Variants in ZFAND3 observed in about 807,000 individuals in gnomAD.
ZFAND3 encodes the protein AN1-type zinc finger protein 3.
A neutral mutation model predicts 29.6 loss-of-function variants in ZFAND3; 10 were observed. The ratio of observed to expected loss-of-function variants is 0.34; its 90% CI spans 0.21 to 0.57. The LOEUF is 0.57. ZFAND3 is among the 20% of genes least tolerant of loss of function. The pLI, the probability that ZFAND3 is intolerant of heterozygous loss-of-function variation, is 0.86. For missense variants in ZFAND3, 230 were observed against 304.5 expected (o/e 0.76, Z 1.82); for synonymous variants, 128 against 112.6 (o/e 1.14, Z -0.87).
intron 2 of ZFAND3, among the ~76,000 whole-genome samples, chr6:37,944,171 AT>A (rs527357081): frequency 2.6e-4 from 39 of 152,144 alleles, no homozygotes; most frequent in Admixed American, 2.0e-4. Flanking sequence ...GTTGATTATA[AT>A]TTTTAATTAA....
intron 1 of ZFAND3, among the ~76,000 whole-genome samples, chr6:37,876,806 ACTCAT>A (rs894010390): frequency 2.5e-4 from 38 of 152,282 alleles, no homozygotes; most frequent in African/African-American, 8.7e-4. Flanking sequence ...GGCTTGGGAC[ACTCAT>A]CTCATGATCT....
intron 1 of ZFAND3, among the ~76,000 whole-genome samples, chr6:37,913,708 C>CTTTTTT (rs56045448): frequency 3.5e-4 from 39 of 113,040 alleles, no homozygotes; most frequent in Middle Eastern, 5.6e-3. Context: ...CAGCTATATT[C>CTTTTTT]TTTTTTTTTT....
At chr6:38,003,405 T>C (rs1762984901) in intron 2 of ZFAND3, 1 of 156,684 alleles carries the variant, frequency 6.4e-6, no homozygotes, top group Non-Finnish European at 1.4e-5. Flanking sequence ...TAATTTAGTT[T>C]ATAATAATTA....
At chr6:37,836,785 G>A (rs928360836) in intron 1 of ZFAND3, among the ~76,000 whole-genome samples, 5 of 151,878 alleles carry the variant, frequency 3.3e-5, no homozygotes, top group Admixed American at 3.3e-4. Flanking sequence ...TGTTTTTAGG[G>A]TAATTTTTTA....
intron 2 of ZFAND3, among the ~76,000 whole-genome samples, chr6:38,055,525 G>GA (rs1764117399): frequency 6.6e-6 from 1 of 152,186 alleles, no homozygotes; most frequent in Non-Finnish European, 1.5e-5. Flanking sequence ...GGCTAAATGA[G>GA]AAAATGAATG....
Position 37,994,178 on chromosome 6 carries a change from T to C in ZFAND3, c.112+64179T>C, listed in dbSNP as rs141794156. ...AAAAAATATGATTACTTAACAATTATAATGTTATGATCCTGAAGATGATGG... is the reference window on the plus strand; with the variant it reads ...AAAAAATATGATTACTTAACAATTACAATGTTATGATCCTGAAGATGATGG... On this transcript the variant is annotated intron_variant, in intron 2 of 5. Transcript: ENST00000287218. Among the ~76,000 whole-genome samples, 27 of 152,312 alleles carry C rather than the reference T, an allele frequency of 1.8e-4. No homozygotes were observed. In the East Asian group the frequency reaches 4.4e-3, roughly 25 times the overall value.
chr6:38,101,175 A>G lies in ZFAND3; in HGVS notation c.362-15397A>G, dbSNP rs185693870. Among the ~76,000 whole-genome samples, 783 of 152,372 alleles carry G rather than the reference A, an allele frequency of 5.1e-3. 7 individuals carry two copies. Among genetic ancestry groups the G allele is most frequent in the Non-Finnish European group, 6.5e-3 (440 of 68,034 alleles). On this transcript the variant is annotated intron_variant, in intron 4 of 5. Coordinates refer to ENST00000287218, the MANE Select transcript of ZFAND3 (RefSeq NM_021943.3). ...CAAATACATACTAAAGACAATTTTC[A>G]TAATAATGATTTTATGCAGAATTCC...
At chr6:37,835,364 C>T (rs1028798289) in intron 1 of ZFAND3, among the ~76,000 whole-genome samples, 2 of 152,022 alleles carry the variant, frequency 1.3e-5, no homozygotes, top group Non-Finnish European at 1.5e-5. Context: ...ACCATGTTGC[C>T]CAGGCTGGTC....
chr6:37,986,148 A>AT (rs141152086), intron 2 of ZFAND3, among the ~76,000 whole-genome samples: 4,495 of 151,054 alleles, frequency 0.03, 171 homozygotes, highest in African/African-American at 0.085. Context: ...ACAAAATATA[A>AT]TTTTTTTTTT....
chr6:38,114,592 C>G (rs1035982547), intron 4 of ZFAND3, among the ~76,000 whole-genome samples: 1 of 152,224 alleles, frequency 6.6e-6, no homozygotes, highest in Non-Finnish European at 1.5e-5. Flanking sequence ...AAGAATGGTG[C>G]AGGGCCTCCA....
chr6:37,909,655 C>T (rs1039165569), intron 1 of ZFAND3, among the ~76,000 whole-genome samples: 97 of 136,210 alleles, frequency 7.1e-4, no homozygotes, highest in African/African-American at 2.6e-3. Context: ...TTTGCTAAAG[C>T]TTTTGGTGGA....
intron 1 of ZFAND3, among the ~76,000 whole-genome samples, chr6:37,846,327 G>A (rs1764176296): frequency 6.6e-6 from 1 of 152,202 alleles, no homozygotes; most frequent in Non-Finnish European, 1.5e-5. Flanking sequence ...GTGGAAAATT[G>A]AGCCAGGTGC....
At chr6:38,130,071 T>TG (rs965462942) in intron 5 of ZFAND3, among the ~76,000 whole-genome samples, 5 of 148,150 alleles carry the variant, frequency 3.4e-5, no homozygotes, top group South Asian at 2.1e-4. Flanking sequence ...TTCATTTTGA[T>TG]GGTTTTTTTT....
At chr6:37,926,876 A>G (rs1176943130) in intron 1 of ZFAND3, among the ~76,000 whole-genome samples, 1 of 152,142 alleles carries the variant, frequency 6.6e-6, no homozygotes, top group Non-Finnish European at 1.5e-5. Context: ...CAAGTTTCCC[A>G]TGTTCAACAT....
At chr6:38,088,057 G>A (rs1361076719) in intron 4 of ZFAND3, among the ~76,000 whole-genome samples, 2 of 152,178 alleles carry the variant, frequency 1.3e-5, no homozygotes, top group East Asian at 1.9e-4. Context: ...CTACACTTAT[G>A]TGTTTTATCT....
chr6:37,903,021 T>A (rs2127401568), intron 1 of ZFAND3, among the ~76,000 whole-genome samples: 1 of 152,298 alleles, frequency 6.6e-6, no homozygotes, highest in African/African-American at 2.4e-5. Flanking sequence ...TCAAGCTGTG[T>A]GCAGTAATTT....
At chr6:38,138,417 AT>A (rs35333481) in intron 5 of ZFAND3, among the ~76,000 whole-genome samples, 295 of 149,594 alleles carry the variant, frequency 2.0e-3, no homozygotes, top group African/African-American at 6.4e-3. Context: ...TCTCAGGTCA[AT>A]TTTTTTTTTT....
intron 1 of ZFAND3, among the ~76,000 whole-genome samples, chr6:37,901,306 T>C (rs2127400855): frequency 6.6e-6 from 1 of 152,318 alleles, no homozygotes; most frequent in South Asian, 2.1e-4. Flanking sequence ...TGAAAAGTTA[T>C]CAAATCCAGA....
At chr6:37,905,630 G>A (rs1157219177) in intron 1 of ZFAND3, among the ~76,000 whole-genome samples, 1 of 152,066 alleles carries the variant, frequency 6.6e-6, no homozygotes, top group East Asian at 1.9e-4. Context: ...TTAAAATGTG[G>A]CATATTCATA....
Sources: allele counts gnomAD v4.1 joint callset (sites outside exome capture counted in the v4.1 genomes callset), GRCh38; gene constraint gnomAD v4.1.1; transcripts MANE v1.5; gene names NCBI Gene and HGNC (gene_info 2026-07-23, HGNC 2026-07-21).